Variants in CLCN7 observed in about 807,000 individuals in gnomAD.
The protein encoded by CLCN7 is Cl-/H+ antiporter 7.
A neutral mutation model predicts 102.1 loss-of-function variants in CLCN7; 60 were observed. That is an observed-to-expected ratio of 0.59 (90% CI 0.48 to 0.73). CLCN7 has a LOEUF of 0.73. CLCN7 is among the 30% of genes least tolerant of loss of function. The pLI is 0.00. For missense variants in CLCN7, 962 were observed against 1,125.7 expected, an observed-to-expected ratio of 0.85 and a Z score of 2.08; for synonymous variants, 560 against 490.5, an observed-to-expected ratio of 1.14 and a Z score of -1.87.
chr16:1,451,690 G>A lies in CLCN7; in HGVS notation c.1380C>T (p.Asn460=). 1 of 1,612,852 alleles carries A rather than the reference G, an allele frequency of 6.2e-7. No individual in the cohort carries two copies. The highest frequency in any genetic ancestry group is 8.5e-7 in the Non-Finnish European group (1 of 1,179,934). Reference sequence around the variant, plus strand: ...TGTTGAAGAAGGCCGCAGCCATGGAGTTGTACTCGCCATCTGCACAAAAGA... The same window carrying A: ...TGTTGAAGAAGGCCGCAGCCATGGAATTGTACTCGCCATCTGCACAAAAGA... ...LQLFCADGEY[N]SMAAAFFNTP... The change falls in exon 16 of 25, where the codon AAC becomes AAT. Residue 460 remains asparagine, a synonymous_variant. Coordinates refer to ENST00000382745, the MANE Select transcript of CLCN7 (RefSeq NM_001287.6).
Position 1,446,915 on chromosome 16 carries a change from G to C in CLCN7, c.2331+91C>G, listed in dbSNP as rs183525343. The C allele has an allele frequency of 1.0e-5, 13 of 1,282,970 alleles. No homozygotes were observed. The Middle Eastern group carries it at 5.5e-4, about 55-fold the overall frequency. 79.5% of individuals were successfully genotyped at this position (1,282,970 alleles called of 1,614,324 possible). A position where few individuals can be genotyped will look rare whatever the true frequency, so the allele number is the denominator to read the frequency against. Reference sequence around the variant, plus strand: ...ACTCGGTGCTGGGTCCTGTGCTTCCGTGTCCCCTGCCGGGAGCTGAGAGTA... The same window carrying C: ...ACTCGGTGCTGGGTCCTGTGCTTCCCTGTCCCCTGCCGGGAGCTGAGAGTA... On this transcript the variant is annotated intron_variant, in intron 24 of 24. Coordinates refer to ENST00000382745, the MANE Select transcript of CLCN7 (RefSeq NM_001287.6).
Position 1,450,492 on chromosome 16 carries a change from C to T in CLCN7, c.1617+5G>A, listed in dbSNP as rs748559827. ...CCCCACAGCCTCCCCTCCGGCCCCA[C>T]TCACCGCCGCCCCCGTGAGGTAGGA... On this transcript the variant is annotated splice_donor_5th_base_variant and intron_variant, in intron 17 of 24. Coordinates refer to ENST00000382745, the MANE Select transcript of CLCN7 (RefSeq NM_001287.6). The T allele has an allele frequency of 1.3e-6, 2 of 1,595,418 alleles. No individual in the cohort carries two copies. The highest frequency in any genetic ancestry group is 1.7e-6 in the Non-Finnish European group (2 of 1,172,104).
At chr16:1,459,270 TGAG>T in intron 6 of CLCN7, 83 bp from the exon 7 acceptor site, 1 of 747,142 alleles carries the variant, frequency 1.3e-6, no homozygotes, top group South Asian at 2.0e-5. Context: ...CCCCAGGAGC[TGAG>T]GAGAGCAGCA....
At position 1,459,076 on chromosome 16, in the gene CLCN7, C is replaced by A. The variant is rs781080067; in HGVS notation, c.675+31G>T. 3.0e-5 allele frequency: 47 copies of A among 1,586,834 alleles called. 1 individual carries two copies. The highest frequency in any genetic ancestry group is 1.7e-4 in the South Asian group (15 of 89,486). On this transcript the variant is annotated intron_variant, in intron 7 of 24. Coordinates refer to ENST00000382745, the MANE Select transcript of CLCN7 (RefSeq NM_001287.6). ...TGAACCAGCAAAGAGCGGGCGCCCA[C>A]CCTGCCCAGCCAGGGCCACCGCACC...
rs762532413 is a variant in CLCN7 at position 1,454,479 on chromosome 16, G to C, written c.1099-14C>G. 4.3e-6 allele frequency: 7 copies of C among 1,613,042 alleles called. No individual in the cohort carries two copies. Among genetic ancestry groups the C allele is most frequent in the Non-Finnish European group, 5.9e-6 (7 of 1,179,406 alleles). On this transcript the variant is annotated splice_polypyrimidine_tract_variant and intron_variant, in intron 12 of 24. Coordinates refer to ENST00000382745, the MANE Select transcript of CLCN7 (RefSeq NM_001287.6). The stretch of plus-strand genomic sequence containing the variant: ...GTAGGCCATTTTCTGTGCAGAGAGA[G>C]GGAGAAGGCAGAGGATGTGAGGGAA...
Position 1,457,779 on chromosome 16 carries a change from G to A in CLCN7, c.676-23C>T. ...CGTCTGAAACACAGGGAGACGCATGGCCTCTGATGAAAAGGCAGGCGCTGT... is the reference window on the plus strand; with the variant it reads ...CGTCTGAAACACAGGGAGACGCATGACCTCTGATGAAAAGGCAGGCGCTGT... On this transcript the variant is annotated intron_variant, in intron 7 of 24. Transcript: ENST00000382745. This position sits in a 1 kb window ranked among gnomAD's most constrained non-coding sequence, Gnocchi z 5.4. 1 of 1,609,926 alleles carries A rather than the reference G, an allele frequency of 6.2e-7. No individual in the cohort carries two copies.
At chr16:1,454,292 T>C (rs2038799408) in intron 13 of CLCN7, 119 bp downstream of exon 13, 2 of 990,430 alleles carry the variant, frequency 2.0e-6, no homozygotes, top group East Asian at 2.5e-5. Flanking sequence ...GGCCCCCGGG[T>C]GGCCCTGGGA....
At chr16:1,468,413 T>C (rs1297575049) in intron 1 of CLCN7, among the ~76,000 whole-genome samples, 1 of 152,208 alleles carries the variant, frequency 6.6e-6, no homozygotes, top group South Asian at 2.1e-4. Context: ...TTTCCTTAAC[T>C]CTGCCAGGAC....
intron 1 of CLCN7, among the ~76,000 whole-genome samples, chr16:1,472,865 C>T (rs111442459): frequency 0.078 from 11,574 of 147,654 alleles, 495 homozygotes; most frequent in African/African-American, 0.096. Flanking sequence ...TGGGCTCATG[C>T]GACTCCTCTG....
chr16:1,461,621 G>C lies in CLCN7; in HGVS notation c.267C>G (p.Leu89=). ...FPKEIPHNEK[L]LSLKYESLDY... ...CGCCCACCTCATACTTGAGGGACAG[G>C]AGCTTCTCGTTGTGTGGGATCTCCT... The change falls in exon 3 of 25, where the codon CTC becomes CTG. Residue 89 remains leucine, a synonymous_variant. Transcript: ENST00000382745. The C allele has an allele frequency of 6.2e-7, 1 of 1,614,154 alleles. No homozygotes were observed. The highest frequency in any genetic ancestry group is 8.5e-7 in the Non-Finnish European group (1 of 1,180,032).
In CLCN7 at chr16:1,450,464, GGGCCCCACAGCCTCCCCTCC is replaced by G; in HGVS notation, c.1617+13_1617+32del. 3.2e-6 allele frequency: 5 copies of G among 1,566,112 alleles called. No homozygotes were observed. Among genetic ancestry groups the G allele is most frequent in the Non-Finnish European group, 4.3e-6 (5 of 1,154,436 alleles). On this transcript the variant is annotated intron_variant, in intron 17 of 24. Transcript: ENST00000382745. ...TGCCGCAAGACCTGGCTCAGCTGCAGGGCCCCACAGCCTCCCCTCCGGCCCCACTCACCGCCGCCCCCGTG... is the reference window on the plus strand; with the variant it reads ...TGCCGCAAGACCTGGCTCAGCTGCAGGGCCCCACTCACCGCCGCCCCCGTG...
chr16:1,460,191 C>A (rs1214268987), intron 6 of CLCN7, among the ~76,000 whole-genome samples: 5 of 151,858 alleles, frequency 3.3e-5, no homozygotes, highest in African/African-American at 1.2e-4. Flanking sequence ...GGTGCCCAGG[C>A]CTGTGCTGGT....
intron 1 of CLCN7, 110 bp downstream of exon 1, chr16:1,474,724 C>T (rs1400057845): frequency 4.0e-6 from 4 of 994,154 alleles, no homozygotes; most frequent in Non-Finnish European, 5.1e-6. Context: ...CACCGCGCCT[C>T]GGTCGCCTCC....
At chr16:1,447,781 C>G (rs1371474603) in intron 21 of CLCN7, 67 bp from the exon 22 acceptor site, 2 of 1,505,390 alleles carry the variant, frequency 1.3e-6, no homozygotes, top group African/African-American at 2.8e-5. Flanking sequence ...AATGCTGTGT[C>G]GGGCCCCGCT....
In CLCN7 at chr16:1,448,740, C is replaced by T. The variant is rs765200389; in HGVS notation, c.1824G>A (p.Leu608=). ...IEGLYDMHIQ[L]QSVPFLHWEA... ...CCCAGTGCAGGAAGGGCACACTCTG[C>T]AGCTGAATGTGCATGTCGTACAGGC... The change falls in exon 20 of 25, where the codon CTG becomes CTA. Residue 608 remains leucine, a synonymous_variant. Transcript: ENST00000382745. 1.2e-5 allele frequency: 19 copies of T among 1,612,494 alleles called. No individual in the cohort carries two copies. The highest frequency in any genetic ancestry group is 4.5e-5 in the East Asian group (2 of 44,864).
chr16:1,465,463 C>T, intron 1 of CLCN7, 125 bp from the exon 2 acceptor site: 1 of 840,316 alleles, frequency 1.2e-6, no homozygotes, highest in Non-Finnish European at 2.0e-6. Context: ...ATGGGCTAGG[C>T]CAGGCCTGCC....
Position 1,450,598 on chromosome 16 carries a change from C to T in CLCN7, c.1516G>A (p.Gly506Arg), listed in dbSNP as rs750415617. 3.7e-6 allele frequency: 6 copies of T among 1,612,550 alleles called. No individual in the cohort carries two copies. Among genetic ancestry groups the T allele is most frequent in the Non-Finnish European group, 5.1e-6 (6 of 1,179,794 alleles). Residue 506 changes from glycine (G) to arginine (R), a missense_variant, in exon 17 of 25, where the codon GGG (glycine) becomes AGG (arginine). Around this residue, in one of 2 missense-constraint regions of CLCN7, gnomAD observed 799 missense variants for 988.0 expected, o/e 0.81. Transcript: ENST00000382745. ...AAGACCCCGGCAGACACCGTGAGCCCGTAGGTCCAGCAGGCCAGGAAGAAG... is the reference window on the plus strand; with the variant it reads ...AAGACCCCGGCAGACACCGTGAGCCTGTAGGTCCAGCAGGCCAGGAAGAAG... Reference protein sequence around the residue: ...VYFFLACWTYGLTVSAGVFIP... With the variant: ...VYFFLACWTYRLTVSAGVFIP...
chr16:1,455,827 C>A, intron 10 of CLCN7, 32 bp from the exon 11 acceptor site: 1 of 1,609,402 alleles, frequency 6.2e-7, no homozygotes, highest in Non-Finnish European at 8.5e-7. Context: ...CGGGTGCCAG[C>A]TGGACACAGG....
chr16:1,459,088 A>T lies in CLCN7; in HGVS notation c.675+19T>A, dbSNP rs1457606120. 1 of 1,600,520 alleles carries T rather than the reference A, an allele frequency of 6.2e-7. No individual in the cohort carries two copies. Among genetic ancestry groups the T allele is most frequent in the South Asian group, 1.1e-5 (1 of 90,380 alleles). On this transcript the variant is annotated intron_variant, in intron 7 of 24. Coordinates refer to ENST00000382745, the MANE Select transcript of CLCN7 (RefSeq NM_001287.6). The stretch of plus-strand genomic sequence containing the variant: ...GAGCGGGCGCCCACCCTGCCCAGCC[A>T]GGGCCACCGCACCCTCACCTTGAGC...
Sources: gnomAD v4.1 joint callset for allele counts (sites outside exome capture counted in the v4.1 genomes callset) on GRCh38, gnomAD v4.1.1 for gene constraint, gnomAD v4.1.1 regional missense constraint, Gnocchi (gnomAD v3.1) non-coding constraint, MANE v1.5 for transcripts, NCBI Gene and HGNC (gene_info 2026-07-23, HGNC 2026-07-21) for gene names.